The following ARHGAP28 variants were observed in gnomAD, a reference collection of about 807,000 sequenced individuals.
ARHGAP28 encodes the protein rho GTPase-activating protein 28.
ARHGAP28 carries 56 observed loss-of-function variants against 90.7 expected under a neutral mutation model. The ratio of observed to expected loss-of-function variants is 0.62; its 90% confidence interval spans 0.50 to 0.77. The LOEUF (loss-of-function observed/expected upper bound fraction) is 0.77. Ranked by LOEUF, ARHGAP28 falls within the 30% of genes least tolerant of loss-of-function variation. The probability of loss-of-function intolerance (pLI) is 0.00; values close to 1 mark genes in which losing one functional copy is unlikely to be tolerated. For missense variants in ARHGAP28, 869 were observed against 900.9 expected, an observed-to-expected ratio of 0.96 and a Z score of 0.45; for synonymous variants, 308 against 323.3, an observed-to-expected ratio of 0.95 and a Z score of 0.51.
intron 1 of ARHGAP28, among the ~76,000 whole-genome samples, chr18:6,761,072 A>G (rs957455589): frequency 2.6e-5 from 4 of 151,950 alleles, no homozygotes; most frequent in Non-Finnish European, 5.9e-5. Context: ...CAGCATATAT[A>G]TTATACGATT....
intron 4 of ARHGAP28, among the ~76,000 whole-genome samples, chr18:6,854,167 G>A (rs1277749619): frequency 6.6e-6 from 1 of 151,794 alleles, no homozygotes; most frequent in African/African-American, 2.4e-5. Flanking sequence ...CGATCTCCTG[G>A]AAAACTTATA....
intron 1 of ARHGAP28, chr18:6,789,580 A>G (rs546544315): frequency 1.1e-4 from 16 of 152,252 alleles, no homozygotes; most frequent in African/African-American, 2.6e-4. Flanking sequence ...ATCTCAAAAT[A>G]AAGGAAGATA....
At chr18:6,840,200 T>C (rs997995571) in intron 3 of ARHGAP28, among the ~76,000 whole-genome samples, 3 of 152,170 alleles carry the variant, frequency 2.0e-5, no homozygotes, top group Admixed American at 2.0e-4. Context: ...AAACAAAAAT[T>C]CCCTGGGTTA....
At chr18:6,775,232 G>C (rs1003134988) in intron 1 of ARHGAP28, among the ~76,000 whole-genome samples, 1 of 152,140 alleles carries the variant, frequency 6.6e-6, no homozygotes, top group Non-Finnish European at 1.5e-5. Flanking sequence ...AGGTGGTCTT[G>C]CTGTTTATTT....
At chr18:6,885,202 A>G (rs2057210656) in intron 11 of ARHGAP28, among the ~76,000 whole-genome samples, 1 of 152,204 alleles carries the variant, frequency 6.6e-6, no homozygotes, top group African/African-American at 2.4e-5. Context: ...ATTCCTTCGT[A>G]TGACTTTGAA....
At chr18:6,780,715 C>G (rs2056317459) in intron 1 of ARHGAP28, among the ~76,000 whole-genome samples, 1 of 152,032 alleles carries the variant, frequency 6.6e-6, no homozygotes, top group Non-Finnish European at 1.5e-5. Flanking sequence ...ATAGCAAAAC[C>G]CCGTCTCTAC....
chr18:6,734,725 G>A (rs554684787), intron 1 of ARHGAP28, among the ~76,000 whole-genome samples: 1 of 152,262 alleles, frequency 6.6e-6, no homozygotes, highest in East Asian at 1.9e-4. Flanking sequence ...AAGCATTTAT[G>A]TAGGCCCGTA....
At chr18:6,881,447 G>A (rs79486148) in intron 10 of ARHGAP28, among the ~76,000 whole-genome samples, 1,691 of 152,090 alleles carry the variant, frequency 0.011, 18 homozygotes, top group Middle Eastern at 0.017. Flanking sequence ...AGCCTGAGTG[G>A]CATTGATAAT....
intron 1 of ARHGAP28, among the ~76,000 whole-genome samples, chr18:6,815,884 C>T (rs1039509658): frequency 8.6e-5 from 13 of 151,496 alleles, no homozygotes; most frequent in Non-Finnish European, 1.6e-4. Flanking sequence ...TGCCTACCAA[C>T]TTAATTACTG....
intron 2 of ARHGAP28, among the ~76,000 whole-genome samples, chr18:6,828,174 C>T (rs552254913): frequency 5.3e-5 from 8 of 152,304 alleles, no homozygotes; most frequent in Non-Finnish European, 1.2e-4. Flanking sequence ...CACAGTGAAA[C>T]CCCGTCTCCA....
chr18:6,910,251 C>T (rs1238492468), intron 17 of ARHGAP28, among the ~76,000 whole-genome samples: 3 of 152,184 alleles, frequency 2.0e-5, no homozygotes, highest in Non-Finnish European at 2.9e-5. Flanking sequence ...TTCCTAGCTG[C>T]GCTGCTGGAG....
chr18:6,793,285 C>A (rs1346079248), intron 1 of ARHGAP28, among the ~76,000 whole-genome samples: 1 of 152,148 alleles, frequency 6.6e-6, no homozygotes, highest in African/African-American at 2.4e-5. Flanking sequence ...TAGGTAAGGT[C>A]TTTTTATGCT....
At chr18:6,766,543 G>T (rs1212940539) in intron 1 of ARHGAP28, among the ~76,000 whole-genome samples, 1 of 152,036 alleles carries the variant, frequency 6.6e-6, no homozygotes, top group African/African-American at 2.4e-5. Flanking sequence ...GCACAGCGTG[G>T]TACTAAACGG....
rs181023571 is a variant in ARHGAP28 at position 6,734,222 on chromosome 18, A to G, written c.122+4279A>G. 7.9e-5 allele frequency among the ~76,000 whole-genome samples: 12 copies of G among 152,330 alleles called. No individual in the cohort carries two copies. In the East Asian group the frequency reaches 1.7e-3, roughly 22 times the overall value. On this transcript the variant is annotated intron_variant, in intron 1 of 17. Coordinates refer to ENST00000383472, the MANE Select transcript of ARHGAP28 (RefSeq NM_001366230.1). ...TTCAGAATCCAGAGTGAGACTATTG[A>G]CAAACATACAAAATAATTTCACTGA...
chr18:6,896,881 T>G, intron 16 of ARHGAP28: 1 of 329,534 alleles, frequency 3.0e-6, no homozygotes, highest in Admixed American at 4.5e-5. Flanking sequence ...GTAGCTTCAT[T>G]TATTCAGTGA....
chr18:6,748,506 A>G (rs1225981948), intron 1 of ARHGAP28, among the ~76,000 whole-genome samples: 2 of 152,166 alleles, frequency 1.3e-5, no homozygotes, highest in African/African-American at 4.8e-5. Flanking sequence ...TCTGGGCAGC[A>G]TTGCCATGAT....
intron 14 of ARHGAP28, among the ~76,000 whole-genome samples, chr18:6,893,495 A>G (rs895582901): frequency 6.6e-6 from 1 of 152,222 alleles, no homozygotes; most frequent in Non-Finnish European, 1.5e-5. Context: ...ATGGAGGGGC[A>G]GCCATTTTCA....
At chr18:6,903,826 C>CAAAA (rs35606759) in intron 16 of ARHGAP28, among the ~76,000 whole-genome samples, 7 of 83,988 alleles carry the variant, frequency 8.3e-5, no homozygotes, top group Non-Finnish European at 1.1e-4. Context: ...GACTCCATCT[C>CAAAA]AAAAAAAAAA....
chr18:6,841,208 C>CTCTCTCTCTCTCTCTCTCCTCTCCTCT (rs1555631529), intron 3 of ARHGAP28, among the ~76,000 whole-genome samples: 1 of 43,136 alleles, frequency 2.3e-5, no homozygotes, highest in Non-Finnish European at 4.5e-5. Flanking sequence ...TCTCTCCTCT[C>CTCTCTCTCTCTCTCTCTCCTCTCCTCT]CTCTCTCTCT....
Sources: gnomAD v4.1 joint callset for allele counts (sites outside exome capture counted in the v4.1 genomes callset) on GRCh38, gnomAD v4.1.1 for gene constraint, MANE v1.5 for transcripts, NCBI Gene and HGNC (gene_info 2026-07-23, HGNC 2026-07-21) for gene names.